PDE8B: variants seen among roughly 807,000 people sequenced by gnomAD.
PDE8B encodes the protein high affinity cAMP-specific and IBMX-insensitive 3',5'-cyclic phosphodiesterase 8B.
Under a neutral mutation model 101.3 loss-of-function variants are expected in PDE8B, and 26 were observed. The observed-to-expected ratio is 0.26, with a 90% CI of 0.19 to 0.36. The LOEUF is 0.36. PDE8B is among the 10% of genes least tolerant of loss of function. The pLI is 1.00. For synonymous variants in PDE8B, 424 were observed against 429.3 expected (o/e 0.99, Z 0.15); for missense variants, 810 against 1,163.1 (o/e 0.70, Z 4.42).
chr5:77,391,452 A>G (rs1296680790), intron 10 of PDE8B, among the ~76,000 whole-genome samples: 3 of 152,226 alleles, frequency 2.0e-5, no homozygotes, highest in African/African-American at 4.8e-5. Flanking sequence ...ATAGGCATGC[A>G]GAGAGCCCAG....
At chr5:77,273,639 G>T (rs1319472279) in intron 1 of PDE8B, among the ~76,000 whole-genome samples, 1 of 152,134 alleles carries the variant, frequency 6.6e-6, no homozygotes, top group Non-Finnish European at 1.5e-5. Flanking sequence ...AAAGCTTTGA[G>T]GCAAAGGCAG....
chr5:77,404,913 C>A (rs767224032), intron 12 of PDE8B, 116 bp downstream of exon 12: 2 of 699,854 alleles, frequency 2.9e-6, no homozygotes, highest in Non-Finnish European at 5.2e-6. Flanking sequence ...ACAACACCGA[C>A]TTATTTTTCA....
chr5:77,178,244 T>C, the PDE8B span, among the ~76,000 whole-genome samples: 1 of 152,164 alleles, frequency 6.6e-6, no homozygotes, highest in Non-Finnish European at 1.5e-5. Context: ...GTTGTTTTTT[T>C]CTTTTTGTTT....
At chr5:77,383,594 C>G (rs1430088719) in intron 10 of PDE8B, among the ~76,000 whole-genome samples, 1 of 152,086 alleles carries the variant, frequency 6.6e-6, no homozygotes, top group Non-Finnish European at 1.5e-5. Context: ...GGTTTTCTTC[C>G]AGGGTTTTTA....
the PDE8B span, chr5:77,089,217 C>T: frequency 6.6e-6 from 1 of 152,290 alleles, no homozygotes; most frequent in Non-Finnish European, 1.5e-5. Flanking sequence ...CCTCCTGTCA[C>T]ATCAGCTGGG....
the PDE8B span, among the ~76,000 whole-genome samples, chr5:77,109,415 G>A: frequency 2.7e-4 from 41 of 152,340 alleles, no homozygotes; most frequent in African/African-American, 9.4e-4. Context: ...ATGTTCTAAA[G>A]TAAAATTCGA....
intron 10 of PDE8B, among the ~76,000 whole-genome samples, chr5:77,378,048 A>ACACACACACACACC (rs1347483439): frequency 2.1e-5 from 2 of 93,952 alleles, no homozygotes; most frequent in South Asian, 6.9e-4. Flanking sequence ...ACACACACAC[A>ACACACACACACACC]CCCCCTGTTG....
At chr5:77,157,105 C>G in the PDE8B span, among the ~76,000 whole-genome samples, 2 of 152,076 alleles carry the variant, frequency 1.3e-5, no homozygotes, top group Non-Finnish European at 2.9e-5. Context: ...TGGGTGGTAA[C>G]AGTTTTTTAC....
chr5:77,124,339 C>T, the PDE8B span, among the ~76,000 whole-genome samples: 1 of 152,068 alleles, frequency 6.6e-6, no homozygotes, highest in Admixed American at 6.6e-5. Flanking sequence ...CCTGTAATAC[C>T]AGCTCTCTGG....
At chr5:77,357,961 C>T (rs1782410936) in intron 10 of PDE8B, among the ~76,000 whole-genome samples, 3 of 152,344 alleles carry the variant, frequency 2.0e-5, no homozygotes, top group Admixed American at 2.0e-4. Context: ...TTCCCACCGC[C>T]AGGCCAGCCT....
chr5:77,345,446 C>T (rs1423170662), intron 7 of PDE8B, among the ~76,000 whole-genome samples: 2 of 152,222 alleles, frequency 1.3e-5, no homozygotes, highest in Non-Finnish European at 2.9e-5. Flanking sequence ...AGGTATGAGT[C>T]ACTGCACCCA....
chr5:77,378,384 A>G (rs1448942056), intron 10 of PDE8B, among the ~76,000 whole-genome samples: 2 of 144,464 alleles, frequency 1.4e-5, no homozygotes, highest in Non-Finnish European at 3.0e-5. Context: ...GCTTGAACCC[A>G]GGAGGCAGAG....
At chr5:77,118,751 C>A in the PDE8B span, 1 of 177,228 alleles carries the variant, frequency 5.6e-6, no homozygotes, top group Non-Finnish European at 1.2e-5. Flanking sequence ...TGGATCCCTC[C>A]CACAGACATT....
At chr5:77,425,630 G>A (rs1280293388) in intron 20 of PDE8B, 137 bp from the exon 21 acceptor site, 4 of 837,098 alleles carry the variant, frequency 4.8e-6, no homozygotes, top group South Asian at 1.4e-5. Flanking sequence ...GTAAGTCTGA[G>A]GACCTTGCTG....
chr5:77,146,203 A>G, the PDE8B span: 1 of 152,208 alleles, frequency 6.6e-6, no homozygotes, highest in Non-Finnish European at 1.5e-5. Context: ...CTTCAAGCAG[A>G]TGCTGTAATG....
chr5:77,377,347 A>G (rs1274941082), intron 10 of PDE8B, among the ~76,000 whole-genome samples: 1 of 152,242 alleles, frequency 6.6e-6, no homozygotes, highest in Non-Finnish European at 1.5e-5. Flanking sequence ...CCGGACCTGC[A>G]GCTTCAGCCT....
At chr5:77,182,031 T>C in the PDE8B span, among the ~76,000 whole-genome samples, 2 of 142,604 alleles carry the variant, frequency 1.4e-5, no homozygotes, top group African/African-American at 2.7e-5. Context: ...TCATCAGCAG[T>C]GGCAAGAGCA....
In PDE8B at chr5:77,340,364, G is replaced by A. The variant is rs568348046; in HGVS notation, c.797+3049G>A. On this transcript the variant is annotated intron_variant, in intron 6 of 21. Coordinates refer to ENST00000264917, the MANE Select transcript of PDE8B (RefSeq NM_003719.5). ...ATTCTCATATGGGCTCTGCGTGATA[G>A]CCATTGTGTTTCAGGGGTGGAAACT... Among the ~76,000 whole-genome samples the A allele has an allele frequency of 3.9e-5, 6 of 152,302 alleles. No individual in the cohort carries two copies. The East Asian group carries it at 1.2e-3, about 29-fold the overall frequency.
At chr5:77,404,424 G>A (rs868793169) in intron 11 of PDE8B, among the ~76,000 whole-genome samples, 2 of 152,082 alleles carry the variant, frequency 1.3e-5, no homozygotes, top group South Asian at 2.1e-4. Flanking sequence ...CCCTGCGCCC[G>A]GCCTAATGTT....
Sources: gnomAD v4.1 joint callset for allele counts (sites outside exome capture counted in the v4.1 genomes callset) on GRCh38, gnomAD v4.1.1 for gene constraint, MANE v1.5 for transcripts, NCBI Gene and HGNC (gene_info 2026-07-23, HGNC 2026-07-21) for gene names.